The following POLI variants were observed in gnomAD, a reference collection of about 807,000 sequenced individuals.
POLI encodes the protein DNA polymerase iota.
A neutral mutation model predicts 51.6 loss-of-function variants in POLI; 58 were observed. The observed-to-expected ratio is 1.12, with a 90% confidence interval of 0.91 to 1.40. POLI has a LOEUF of 1.40. POLI is among the 40% of genes most tolerant of loss of function. The pLI is 0.00. For missense variants in POLI, 921 were observed against 871.3 expected (o/e 1.06, Z -0.72); for synonymous variants, 322 against 299.7 (o/e 1.07, Z -0.77).
intron 9 of POLI, among the ~76,000 whole-genome samples, chr18:54,292,272 AG>A (rs2088056481): frequency 6.6e-6 from 1 of 152,124 alleles, no homozygotes; most frequent in Admixed American, 6.6e-5. Context: ...ACCATTATGG[AG>A]GTTCTCTATT....
Position 54,317,831 on chromosome 18 carries a change from C to T in POLI, c.334-2442C>T, listed in dbSNP as rs184852816. On this transcript the variant is annotated intron_variant, in intron 3 of 4. Transcript: ENST00000579823. ...AGTGAGCTATGATCATACCACTGCA[C>T]TCAAGCCTGGGCGACAGGCTTTAAT... Among the ~76,000 whole-genome samples, 45 of 152,286 alleles carry T rather than the reference C, an allele frequency of 3.0e-4. No homozygotes were observed. The East Asian group carries it at 8.7e-3, about 29-fold the overall frequency.
At position 54,297,553 on chromosome 18, in the gene POLI, A is replaced by C. The variant is rs62091230; in HGVS notation, c.*3086A>C. 131,630 of 976,214 alleles carry C rather than the reference A, an allele frequency of 0.13. 9,562 individuals carry two copies. The highest frequency in any genetic ancestry group is 0.15 in the Non-Finnish European group (121,443 of 821,742). The allele number at this position is 976,214 out of a possible 1,614,324, so 60.5% of individuals were successfully genotyped here. ...AATTTATTTGGATTTATTTTTTGCC[A>C]TCTTATTTTTTAATATATTTCTTTT... is the stretch of plus-strand genomic sequence containing the variant. On this transcript the variant is annotated 3_prime_UTR_variant, in exon 10 of 10. Transcript: ENST00000579534.
At position 54,269,552 on chromosome 18, in the gene POLI, G is replaced by A. The variant is rs761571705; in HGVS notation, c.6G>A (p.Glu2=). 5.3e-6 allele frequency: 8 copies of A among 1,506,524 alleles called. No individual in the cohort carries two copies. Among genetic ancestry groups the A allele is most frequent in the Non-Finnish European group, 7.1e-6 (8 of 1,132,622 alleles). The allele number at this position is 1,506,524 out of a possible 1,614,324, so 93.3% of individuals were successfully genotyped here. The change falls in exon 1 of 10, where the codon GAG becomes GAA. Residue 2 remains glutamate, a synonymous_variant. Transcript: ENST00000579534. M[E]KLGVEPEEEG... ...CTGCGGTTGGCAGCGGCGGGATGGA[G>A]AAGCTGGGGGTGGAGCCGGAGGAGG...
intron 1 of POLI, chr18:54,270,005 G>A: frequency 9.6e-7 from 1 of 1,046,334 alleles, no homozygotes; most frequent in Non-Finnish European, 1.1e-6. Flanking sequence ...TGGAGAAGTT[G>A]AGGACCTTGT....
intron 5 of POLI, 92 bp downstream of exon 5, chr18:54,280,995 T>A: frequency 1.4e-6 from 1 of 701,458 alleles, no homozygotes; most frequent in Non-Finnish European, 2.3e-6. Flanking sequence ...AATTCTTAGG[T>A]AGAGTTGTCT....
chr18:54,312,470 G>A (rs1212532117), intron 3 of POLI, among the ~76,000 whole-genome samples: 8 of 152,104 alleles, frequency 5.3e-5, no homozygotes, highest in Admixed American at 5.2e-4. Flanking sequence ...TTTCCTTTGG[G>A]TATATACCCA....
chr18:54,313,586 G>A (rs1350677209), intron 3 of POLI, among the ~76,000 whole-genome samples: 1 of 152,186 alleles, frequency 6.6e-6, no homozygotes, highest in Non-Finnish European at 1.5e-5. Context: ...CAATCAATGA[G>A]CATGGAATGT....
intron 1 of POLI, chr18:54,269,870 T>G (rs2086923034): frequency 7.6e-7 from 1 of 1,321,748 alleles, no homozygotes; most frequent in Non-Finnish European, 9.6e-7. Flanking sequence ...GTGGGGCGCG[T>G]CCACACTACA....
At chr18:54,292,172 A>G (rs948756177) in intron 9 of POLI, 134 bp downstream of exon 9, 2 of 580,102 alleles carry the variant, frequency 3.4e-6, no homozygotes, top group Non-Finnish European at 6.1e-6. Context: ...TAGGTGATTA[A>G]CTTGTTTATA....
chr18:54,271,616 G>C (rs1343045163), intron 2 of POLI, 131 bp downstream of exon 2: 1 of 586,022 alleles, frequency 1.7e-6, no homozygotes, highest in Non-Finnish European at 2.8e-6. Context: ...CTTTATAGCT[G>C]GTCATTTTTG....
chr18:54,281,567 G>A (rs931380744), intron 5 of POLI, among the ~76,000 whole-genome samples: 12 of 152,062 alleles, frequency 7.9e-5, no homozygotes, highest in Admixed American at 3.3e-4. Context: ...TGATACTTGC[G>A]TGATTCCAAA....
rs2088402906 is a variant in POLI, at chr18:54,297,713, A to C, written c.*3246A>C. ...TACAAGTCCTTTTGATTATCCTTAA[A>C]CATCTAAAAATGCTACCCTCTTTCC... On this transcript the variant is annotated 3_prime_UTR_variant, in exon 10 of 10. Coordinates refer to ENST00000579534, the MANE Select transcript of POLI (RefSeq NM_007195.3). The C allele has an allele frequency of 1.0e-6, 1 of 970,662 alleles. No homozygotes were observed. The highest frequency in any genetic ancestry group is 6.2e-5 in the Admixed American group (1 of 16,246). The allele number at this position is 970,662 out of a possible 1,614,324, so 60.1% of individuals were successfully genotyped here. A position where few individuals can be genotyped will look rare whatever the true frequency, so the allele number is the denominator to read the frequency against.
chr18:54,269,664 G>T lies in POLI; in HGVS notation c.115+3G>T. 6.6e-7 allele frequency: 1 copy of T among 1,504,804 alleles called. No homozygotes were observed. The allele number at this position is 1,504,804 out of a possible 1,614,324, so 93.2% of individuals were successfully genotyped here. On this transcript the variant is annotated splice_donor_region_variant and intron_variant, in intron 1 of 9. Coordinates refer to ENST00000579534, the MANE Select transcript of POLI (RefSeq NM_007195.3). The stretch of plus-strand genomic sequence containing the variant: ...GGGGGCGGCAGCCAGCTCGCAGGGT[G>T]CGCCGCAGCCAGAGGAGCCAGCGGC...
At position 54,282,897 on chromosome 18, in the gene POLI, T is replaced by G. The variant is rs1334623440; in HGVS notation, c.857T>G (p.Leu286Arg). 1 of 1,588,552 alleles carries G rather than the reference T, an allele frequency of 6.3e-7. No homozygotes were observed. Among genetic ancestry groups the G allele is most frequent in the South Asian group, 1.1e-5 (1 of 87,354 alleles). Reference sequence around the variant, plus strand: ...CTGGGTATCAATAGTGTGCGTGATCTCCAAACCTTTTCACCCAAAATTTTA... The same window carrying G: ...CTGGGTATCAATAGTGTGCGTGATCGCCAAACCTTTTCACCCAAAATTTTA... ...EALGINSVRD[L>R]QTFSPKILEK... Residue 286 changes from leucine to arginine, a missense_variant, in exon 6 of 10, where the codon CTC becomes CGC. Coordinates refer to ENST00000579534, the MANE Select transcript of POLI (RefSeq NM_007195.3).
rs1231582738 is a variant in POLI at position 54,294,847 on chromosome 18, A to C, written c.*380A>C. ...TTTTTTTTTTCCTGTGAAATGTGGA[A>C]TATCTCAAATTCAGCCTCTTAGGCT... is the stretch of plus-strand genomic sequence containing the variant. On this transcript the variant is annotated 3_prime_UTR_variant, in exon 10 of 10. Coordinates refer to ENST00000579534, the MANE Select transcript of POLI (RefSeq NM_007195.3). 2.0e-6 allele frequency: 2 copies of C among 985,872 alleles called. No homozygotes were observed. The highest frequency in any genetic ancestry group is 2.2e-4 in the East Asian group (2 of 8,950). 61.1% of individuals were successfully genotyped at this position (985,872 alleles called of 1,614,324 possible).
chr18:54,269,686 C>G, intron 1 of POLI, 25 bp downstream of exon 1: 2 of 1,493,702 alleles, frequency 1.3e-6, no homozygotes, highest in Non-Finnish European at 1.8e-6. Context: ...GAGGAGCCAG[C>G]GGCCTCCTTG....
intron 4 of POLI, among the ~76,000 whole-genome samples, chr18:54,279,837 A>G (rs1430783832): frequency 3.3e-5 from 5 of 152,220 alleles, no homozygotes. Flanking sequence ...TTCTAGCAGC[A>G]TATACTGCTA....
Position 54,295,853 on chromosome 18 carries a change from C to G in POLI, c.*1386C>G, listed in dbSNP as rs1478658573. The G allele has an allele frequency of 2.0e-6, 1 of 510,662 alleles. No individual in the cohort carries two copies. The highest frequency in any genetic ancestry group is 2.5e-6 in the Non-Finnish European group (1 of 396,540). 31.6% of individuals were successfully genotyped at this position (510,662 alleles called of 1,614,324 possible). ...ATATTGGCCAGGCTGGTCTCGAACT[C>G]CTGGTCTCAGGTGATCCTCCACCTT... On this transcript the variant is annotated 3_prime_UTR_variant, in exon 10 of 10. Transcript: ENST00000579534.
intron 2 of POLI, among the ~76,000 whole-genome samples, chr18:54,273,652 A>G (rs2144451848): frequency 6.6e-6 from 1 of 152,168 alleles, no homozygotes; most frequent in South Asian, 2.1e-4. Flanking sequence ...TTCCTTCTTC[A>G]AGGAGACAAA....
Sources: allele counts gnomAD v4.1 joint callset (sites outside exome capture counted in the v4.1 genomes callset), GRCh38; gene constraint gnomAD v4.1.1; transcripts MANE v1.5; gene names NCBI Gene and HGNC (gene_info 2026-07-23, HGNC 2026-07-21).